The following TMEM67 variants were observed in gnomAD, a reference collection of about 807,000 sequenced individuals.
TMEM67 encodes the protein meckelin.
A neutral mutation model predicts 136.6 loss-of-function variants in TMEM67; 124 were observed. The observed-to-expected ratio is 0.91, with a 90% CI of 0.78 to 1.05. The LOEUF is 1.05. TMEM67 is among the 50% of genes least tolerant of loss of function. The probability of loss-of-function intolerance (pLI) is 0.00; values close to 1 mark genes in which losing one functional copy is unlikely to be tolerated. For synonymous variants in TMEM67, 364 were observed against 390.5 expected, an observed-to-expected ratio of 0.93 and a Z score of 0.80; for missense variants, 1,107 against 1,178.4, an observed-to-expected ratio of 0.94 and a Z score of 0.89.
intron 15 of TMEM67, among the ~76,000 whole-genome samples, chr8:93,792,366 G>A (rs1563468218): frequency 2.0e-5 from 3 of 151,854 alleles, no homozygotes; most frequent in South Asian, 2.1e-4. Flanking sequence ...TAGAGACAGG[G>A]TTTCATCATA....
the TMEM67 span, among the ~76,000 whole-genome samples, chr8:93,824,733 TGA>T: frequency 6.6e-6 from 1 of 152,184 alleles, no homozygotes; most frequent in Non-Finnish European, 1.5e-5. Flanking sequence ...TTGTTTGTTT[TGA>T]GATAGGGTCT....
chr8:93,805,539 C>A (rs1252353538), intron 23 of TMEM67, among the ~76,000 whole-genome samples: 2 of 151,168 alleles, frequency 1.3e-5, no homozygotes, highest in African/African-American at 4.9e-5. Flanking sequence ...CGAGATTGCG[C>A]CACCGCACTC....
At chr8:93,804,718 T>C in intron 22 of TMEM67, 44 bp from the exon 23 acceptor site, 2 of 1,069,676 alleles carry the variant, frequency 1.9e-6, no homozygotes, top group Non-Finnish European at 2.9e-6. Context: ...TTTATTGTTT[T>C]GCAGATGAGT....
chr8:93,803,091 TTC>T (rs1277321774), intron 21 of TMEM67, among the ~76,000 whole-genome samples: 9 of 152,202 alleles, frequency 5.9e-5, no homozygotes, highest in African/African-American at 2.2e-4. Flanking sequence ...TTTATAAAAT[TTC>T]TGTTTCTAGT....
chr8:93,762,797 T>A (rs918599820), intron 3 of TMEM67, among the ~76,000 whole-genome samples: 3 of 152,214 alleles, frequency 2.0e-5, no homozygotes, highest in Non-Finnish European at 4.4e-5. Context: ...TATAAGGATC[T>A]ACACTATATA....
chr8:93,789,847 G>A (rs1814295775), intron 14 of TMEM67, among the ~76,000 whole-genome samples: 1 of 151,716 alleles, frequency 6.6e-6, no homozygotes, highest in Non-Finnish European at 1.5e-5. Flanking sequence ...GAGGCAGGCA[G>A]ATCAGTTGAG....
Position 93,793,189 on chromosome 8 carries a change from G to GT in TMEM67, c.1576-3dup, listed in dbSNP as rs1814461328. 1 of 1,611,812 alleles carries GT rather than the reference G, an allele frequency of 6.2e-7. No individual in the cohort carries two copies. The highest frequency in any genetic ancestry group is 1.7e-5 in the Admixed American group (1 of 59,986). ...TACATAAATTCTCAATTGTTCTTTT[G>GT]TTTTTTAGATTGCTTTGGGTGTATT... On this transcript the variant is annotated splice_polypyrimidine_tract_variant and intron_variant, in intron 15 of 27. Coordinates refer to ENST00000453321, the MANE Select transcript of TMEM67 (RefSeq NM_153704.6).
intron 16 of TMEM67, among the ~76,000 whole-genome samples, chr8:93,794,094 G>A (rs1814504457): frequency 6.6e-6 from 1 of 152,098 alleles, no homozygotes. Flanking sequence ...GTTTCACCAT[G>A]TTGTTCAGGC....
chr8:93,770,043 C>T (rs1189730521), intron 6 of TMEM67, among the ~76,000 whole-genome samples: 1 of 152,214 alleles, frequency 6.6e-6, no homozygotes, highest in Non-Finnish European at 1.5e-5. Context: ...TCCCCATTCC[C>T]TTTCCCTCAA....
At chr8:93,777,578 A>G (rs1813608884) in intron 7 of TMEM67, among the ~76,000 whole-genome samples, 1 of 152,200 alleles carries the variant, frequency 6.6e-6, no homozygotes, top group African/African-American at 2.4e-5. Flanking sequence ...ATTTCAAAGA[A>G]CATCTTTATT....
chr8:93,796,081 G>A, intron 18 of TMEM67, 94 bp downstream of exon 18: 1 of 868,496 alleles, frequency 1.2e-6, no homozygotes, highest in South Asian at 1.4e-5. Flanking sequence ...TCTTTGGCGT[G>A]AAATTCACTT....
chr8:93,822,061 A>G (rs1053882119), downstream of TMEM67, among the ~76,000 whole-genome samples: 2 of 152,256 alleles, frequency 1.3e-5, no homozygotes, highest in Admixed American at 1.3e-4. Context: ...ATAAGAATGA[A>G]AAGGCAAACC....
At chr8:93,815,220 C>A in intron 26 of TMEM67, 85 bp from the exon 27 acceptor site, 1 of 898,344 alleles carries the variant, frequency 1.1e-6, no homozygotes, top group Non-Finnish European at 1.7e-6. Context: ...TGTTTTTAAA[C>A]ATCCAGATTT....
At chr8:93,790,619 C>T (rs1277596368) in intron 14 of TMEM67, among the ~76,000 whole-genome samples, 1 of 152,232 alleles carries the variant, frequency 6.6e-6, no homozygotes, top group Non-Finnish European at 1.5e-5. Context: ...TCATCATTTG[C>T]AGTCTGGCTC....
chr8:93,792,769 CT>C (rs1285969560), intron 15 of TMEM67, among the ~76,000 whole-genome samples: 1 of 147,946 alleles, frequency 6.8e-6, no homozygotes, highest in Non-Finnish European at 1.5e-5. Flanking sequence ...CTCCTGTGTC[CT>C]TTCTTTTTTT....
At chr8:93,766,933 G>A (rs1283342598) in intron 6 of TMEM67, among the ~76,000 whole-genome samples, 1 of 152,208 alleles carries the variant, frequency 6.6e-6, no homozygotes, top group Non-Finnish European at 1.5e-5. Context: ...CCAGATTGGA[G>A]TGAATATCTG....
chr8:93,788,633 A>C (rs1814232217), intron 14 of TMEM67, among the ~76,000 whole-genome samples: 1 of 152,246 alleles, frequency 6.6e-6, no homozygotes, highest in African/African-American at 2.4e-5. Flanking sequence ...TACAGTGGGC[A>C]TATGTGTGCT....
intron 4 of TMEM67, 97 bp from the exon 5 acceptor site, chr8:93,765,309 G>T: frequency 1.1e-6 from 1 of 920,248 alleles, no homozygotes; most frequent in Admixed American, 2.2e-5. Context: ...CTTACTGAAT[G>T]AATCTACTCT....
intron 14 of TMEM67, among the ~76,000 whole-genome samples, chr8:93,788,948 C>A (rs1814245092): frequency 6.6e-6 from 1 of 152,132 alleles, no homozygotes; most frequent in African/African-American, 2.4e-5. Context: ...TCAGATAAAG[C>A]ATCCCTGCTT....
Sources: allele counts gnomAD v4.1 joint callset (sites outside exome capture counted in the v4.1 genomes callset), GRCh38; gene constraint gnomAD v4.1.1; transcripts MANE v1.5; gene names NCBI Gene and HGNC (gene_info 2026-07-23, HGNC 2026-07-21).